The following BCLAF3 variants were observed in gnomAD, a reference collection of about 807,000 sequenced individuals.
BCLAF3 encodes BCLAF1 and THRAP3 family member 3.
A neutral mutation model predicts 51.2 loss-of-function variants in BCLAF3; 24 were observed. That is an observed-to-expected ratio of 0.47 (90% CI 0.34 to 0.66). The LOEUF is 0.66. Ranked by LOEUF, BCLAF3 falls within the 30% of genes least tolerant of loss-of-function variation. The pLI is 0.01. For synonymous variants in BCLAF3, 152 were observed against 176.6 expected, an observed-to-expected ratio of 0.86 and a Z score of 1.10; for missense variants, 465 against 525.1, an observed-to-expected ratio of 0.89 and a Z score of 1.12.
At chrX:19,946,809 C>G (rs1366601185) in intron 8 of BCLAF3, among the ~76,000 whole-genome samples, 5 of 111,616 alleles carry the variant, frequency 4.5e-5, no homozygotes, top group Non-Finnish European at 9.4e-5. Flanking sequence ...ATACTATCCC[C>G]TCAGATAACC....
intron 1 of BCLAF3, among the ~76,000 whole-genome samples, chrX:19,975,683 A>T (rs1333051865): frequency 9.0e-6 from 1 of 111,176 alleles, no homozygotes; most frequent in Non-Finnish European, 1.9e-5. Flanking sequence ...TACAGATGGG[A>T]CTCAATATGT....
At chrX:19,979,588 A>G (rs944677437) in intron 1 of BCLAF3, among the ~76,000 whole-genome samples, 3 of 111,096 alleles carry the variant, frequency 2.7e-5, no homozygotes, top group Non-Finnish European at 5.7e-5. Context: ...CAAACCCGCA[A>G]TATCTCTGAG....
intron 10 of BCLAF3, among the ~76,000 whole-genome samples, chrX:19,934,022 C>T (rs762605242): frequency 1.8e-4 from 20 of 111,478 alleles, no homozygotes; most frequent in Admixed American, 8.6e-4. Context: ...GTGATCCACC[C>T]GTCTCAGCAA....
At chrX:19,940,440 A>T (rs2070975759) in intron 8 of BCLAF3, among the ~76,000 whole-genome samples, 1 of 109,697 alleles carries the variant, frequency 9.1e-6, no homozygotes, top group African/African-American at 3.3e-5. Context: ...CCCACCACAG[A>T]CCCCAGAGTG....
intron 11 of BCLAF3, among the ~76,000 whole-genome samples, chrX:19,919,789 G>A (rs372085029): frequency 9.4e-6 from 1 of 106,227 alleles, no homozygotes; most frequent in Non-Finnish European, 1.9e-5. Context: ...CCTGGGAGGC[G>A]GAGGTTGCAG....
chrX:19,938,657 A>C (rs370109491), intron 8 of BCLAF3, among the ~76,000 whole-genome samples: 1 of 112,650 alleles, frequency 8.9e-6, no homozygotes, highest in Admixed American at 9.4e-5. Flanking sequence ...TTGGCCTCCC[A>C]AAGTGCTGGG....
At chrX:19,925,631 C>T (rs1454181246) in intron 11 of BCLAF3, among the ~76,000 whole-genome samples, 1 of 111,450 alleles carries the variant, frequency 9.0e-6, no homozygotes, top group Non-Finnish European at 1.9e-5. Flanking sequence ...GATGCTAAAG[C>T]TTGGGATGAA....
At chrX:19,981,703 A>G (rs1385640649) in intron 1 of BCLAF3, among the ~76,000 whole-genome samples, 1 of 112,709 alleles carries the variant, frequency 8.9e-6, no homozygotes, top group East Asian at 2.8e-4. Context: ...AAGGGAATGA[A>G]GTACCAATAC....
intron 1 of BCLAF3, among the ~76,000 whole-genome samples, chrX:19,979,617 T>C (rs2072545232): frequency 9.1e-6 from 1 of 110,443 alleles, no homozygotes; most frequent in Non-Finnish European, 1.9e-5. Context: ...GTACTACAAA[T>C]AGAATTAAAT....
At position 19,952,985 on chromosome X, in the gene BCLAF3, A is replaced by G; in HGVS notation, c.1629+3T>C. The G allele has an allele frequency of 8.3e-7, 1 of 1,201,642 alleles. No individual in the cohort carries two copies. Among genetic ancestry groups the G allele is most frequent in the South Asian group, 1.8e-5 (1 of 56,052 alleles). On this transcript the variant is annotated splice_donor_region_variant and intron_variant, in intron 7 of 11. Transcript: ENST00000379682. The stretch of plus-strand genomic sequence containing the variant: ...TTTCTCATCAAAAATTGTATTCACT[A>G]ACCTGTTCCGATTCATAGATCACAG...
chrX:19,926,997 C>A (rs1253957742), intron 11 of BCLAF3, among the ~76,000 whole-genome samples: 3 of 111,359 alleles, frequency 2.7e-5, no homozygotes, highest in African/African-American at 9.8e-5. Context: ...GAGGCCGAGG[C>A]AGGTGGATCA....
intron 10 of BCLAF3, chrX:19,930,184 G>A: frequency 8.7e-6 from 2 of 229,923 alleles, no homozygotes; most frequent in Non-Finnish European, 7.8e-6. Flanking sequence ...GGTGGCAGGC[G>A]CCTGTAATCC....
chrX:19,973,208 T>C (rs2072310412), intron 1 of BCLAF3, among the ~76,000 whole-genome samples: 2 of 111,942 alleles, frequency 1.8e-5, no homozygotes, highest in Admixed American at 1.9e-4. Context: ...TGATTTGCAT[T>C]TCCCTAATGA....
rs1649992220 is a variant in BCLAF3 at position 19,966,332 on chromosome X, A to G, written c.359T>C (p.Ile120Thr). 7 of 1,211,381 alleles carry G rather than the reference A, an allele frequency of 5.8e-6. No homozygotes were observed. The highest frequency in any genetic ancestry group is 7.8e-6 in the Non-Finnish European group (7 of 895,405). ...ATTCCTTTCATGCTCTTTGTAGGGT[A>G]TACCCTCTGAGTATTTGGGCATATA... ...AQYMPKYSEG[I>T]PYKEHERNSY... Residue 120 changes from isoleucine to threonine, a missense_variant, in exon 3 of 12, where the codon ATA (isoleucine) becomes ACA (threonine). Physicochemically the swap from Ile to Thr is moderately conservative, Grantham distance 89. Transcript: ENST00000379682.
intron 10 of BCLAF3, chrX:19,935,594 TCTAC>T: frequency 2.7e-6 from 1 of 376,180 alleles, no homozygotes; most frequent in East Asian, 4.3e-5. Context: ...GGAAAAGGAA[TCTAC>T]TGGTAAAAAA....
chrX:19,989,882 T>C (rs1255307428), intron 1 of BCLAF3, among the ~76,000 whole-genome samples: 2 of 110,951 alleles, frequency 1.8e-5, no homozygotes, highest in African/African-American at 6.5e-5. Context: ...TGGGGGTGAC[T>C]GAAACAGCTG....
intron 10 of BCLAF3, among the ~76,000 whole-genome samples, chrX:19,934,040 T>C (rs2147770438): frequency 8.9e-6 from 1 of 111,912 alleles, no homozygotes; most frequent in East Asian, 2.8e-4. Flanking sequence ...CAACCCAAAG[T>C]GTTAGGATTA....
chrX:19,976,757 A>G (rs949608247), intron 1 of BCLAF3, among the ~76,000 whole-genome samples: 1 of 111,933 alleles, frequency 8.9e-6, no homozygotes, highest in African/African-American at 3.2e-5. Context: ...AGGAAACAGT[A>G]AGTCTGTAGA....
At chrX:19,985,164 A>T (rs974072653) in intron 1 of BCLAF3, 1 of 112,338 alleles carries the variant, frequency 8.9e-6, no homozygotes, top group African/African-American at 3.2e-5. Context: ...CCAGCCTACA[A>T]ATCCAATTTT....
Sources: allele counts gnomAD v4.1 joint callset (sites outside exome capture counted in the v4.1 genomes callset), GRCh38; gene constraint gnomAD v4.1.1; transcripts MANE v1.5; gene names NCBI Gene and HGNC (gene_info 2026-07-23, HGNC 2026-07-21).